The following TAFA1 variants were observed in gnomAD, a reference collection of about 807,000 sequenced individuals.
TAFA1 encodes the protein TAFA chemokine like family member 1, also known as chemokine-like protein TAFA-1.
In TAFA1, 4 loss-of-function variants were observed where a neutral mutation model predicts 18.5. That is an observed-to-expected ratio of 0.22 (90% confidence interval 0.11 to 0.49). The LOEUF is 0.49. Ranked by LOEUF, TAFA1 falls within the 20% of genes least tolerant of loss-of-function variation. TAFA1 has a pLI of 0.98. For missense variants in TAFA1, 147 were observed against 169.0 expected (o/e 0.87, Z 0.72); for synonymous variants, 56 against 55.2 (o/e 1.01, Z -0.06).
At chr3:68,222,412 T>C (rs927194969) in intron 2 of TAFA1, among the ~76,000 whole-genome samples, 5 of 152,216 alleles carry the variant, frequency 3.3e-5, no homozygotes, top group Admixed American at 6.5e-5. Flanking sequence ...ATTTTCTGAG[T>C]TGTATGAAGA....
At chr3:68,510,330 C>T (rs1371834935) in intron 3 of TAFA1, among the ~76,000 whole-genome samples, 1 of 152,130 alleles carries the variant, frequency 6.6e-6, no homozygotes, top group African/African-American at 2.4e-5. Flanking sequence ...AGGGAATGGA[C>T]AGGGCTTTGG....
At chr3:68,415,929 T>C (rs1443001169) in intron 2 of TAFA1, among the ~76,000 whole-genome samples, 1 of 152,198 alleles carries the variant, frequency 6.6e-6, no homozygotes, top group Non-Finnish European at 1.5e-5. Context: ...TGCGTTTCTT[T>C]CATGTTAGGC....
chr3:68,211,709 C>T (rs1035093341), intron 2 of TAFA1, among the ~76,000 whole-genome samples: 1 of 152,052 alleles, frequency 6.6e-6, no homozygotes, highest in Non-Finnish European at 1.5e-5. Flanking sequence ...AGGCTGCTTC[C>T]ACTCATGGCA....
At chr3:68,211,994 C>T (rs1348023112) in intron 2 of TAFA1, among the ~76,000 whole-genome samples, 1 of 151,960 alleles carries the variant, frequency 6.6e-6, no homozygotes, top group Non-Finnish European at 1.5e-5. Flanking sequence ...ATAGCAAACT[C>T]TAATCAAGTA....
At chr3:68,473,134 A>T (rs2072032154) in intron 3 of TAFA1, among the ~76,000 whole-genome samples, 1 of 152,222 alleles carries the variant, frequency 6.6e-6, no homozygotes, top group African/African-American at 2.4e-5. Flanking sequence ...CCATTACCTC[A>T]GCTACTTAGG....
chr3:68,076,313 G>C (rs2064823341), intron 2 of TAFA1, among the ~76,000 whole-genome samples: 1 of 149,900 alleles, frequency 6.7e-6, no homozygotes, highest in Non-Finnish European at 1.5e-5. Context: ...TTGTTTGTTT[G>C]TTTTAAATTA....
At position 68,531,015 on chromosome 3, in the gene TAFA1, AC is replaced by A. The variant is rs370408138; in HGVS notation, c.260-7740del. 1.1e-4 allele frequency among the ~76,000 whole-genome samples: 13 copies of A among 123,028 alleles called. 1 individual carries two copies. The highest frequency in any genetic ancestry group is 5.8e-4 in the South Asian group (2 of 3,428). The allele number at this position is 123,028 out of a possible 152,430, so 80.7% of individuals were successfully genotyped here. A position where few individuals can be genotyped will look rare whatever the true frequency, so the allele number is the denominator to read the frequency against. On this transcript the variant is annotated intron_variant, in intron 3 of 4. Coordinates refer to ENST00000478136, the MANE Select transcript of TAFA1 (RefSeq NM_213609.4). Reference sequence around the variant, plus strand: ...ATTAGCATTATAATGATTAACAACAACAACAAAACAAAACAAAACAAAACAA... The same window carrying A: ...ATTAGCATTATAATGATTAACAACAAAACAAAACAAAACAAAACAAAACAA...
chr3:68,525,402 A>AGTCT (rs2073095168), intron 3 of TAFA1, among the ~76,000 whole-genome samples: 1 of 152,184 alleles, frequency 6.6e-6, no homozygotes. Flanking sequence ...TATATAGTTC[A>AGTCT]GTCTGCCTAT....
chr3:68,412,726 A>G (rs1402562768), intron 2 of TAFA1, among the ~76,000 whole-genome samples: 1 of 152,112 alleles, frequency 6.6e-6, no homozygotes, highest in African/African-American at 2.4e-5. Flanking sequence ...TTATGGCTGC[A>G]TAGTATTCCA....
chr3:68,274,912 G>T (rs993305059), intron 2 of TAFA1, among the ~76,000 whole-genome samples: 8 of 151,852 alleles, frequency 5.3e-5, no homozygotes, highest in African/African-American at 1.9e-4. Flanking sequence ...TCGTCATTTT[G>T]TTGTTGTTGC....
chr3:68,486,078 TTTTA>T (rs536290626), intron 3 of TAFA1, among the ~76,000 whole-genome samples: 26,762 of 90,374 alleles, frequency 0.3, 2,578 homozygotes, highest in African/African-American at 0.32. Context: ...TTTATTTTTA[TTTTA>T]TTTTATTTTA....
At chr3:68,345,032 CAA>C (rs551579012) in intron 2 of TAFA1, among the ~76,000 whole-genome samples, 5 of 141,064 alleles carry the variant, frequency 3.5e-5, no homozygotes, top group Non-Finnish European at 3.1e-5. Context: ...GGCCCTATCT[CAA>C]AAAAAAAAAA....
At chr3:68,498,390 A>C (rs1216725680) in intron 3 of TAFA1, among the ~76,000 whole-genome samples, 2 of 145,454 alleles carry the variant, frequency 1.4e-5, no homozygotes, top group Non-Finnish European at 3.1e-5. Context: ...CCTAGGAGGC[A>C]GGGTTATAAA....
intron 3 of TAFA1, among the ~76,000 whole-genome samples, chr3:68,511,956 C>G (rs2072853609): frequency 6.6e-6 from 1 of 152,046 alleles, no homozygotes; most frequent in South Asian, 2.1e-4. Context: ...AAGTCCTCTT[C>G]TAAGGTCTTT....
intron 2 of TAFA1, among the ~76,000 whole-genome samples, chr3:68,130,863 C>T (rs908615445): frequency 6.6e-6 from 1 of 152,166 alleles, no homozygotes; most frequent in Non-Finnish European, 1.5e-5. Context: ...TTAGCTACCT[C>T]CCTGTCCTCC....
At chr3:68,478,504 C>G (rs761406023) in intron 3 of TAFA1, among the ~76,000 whole-genome samples, 20 of 152,186 alleles carry the variant, frequency 1.3e-4, no homozygotes, top group Non-Finnish European at 2.1e-4. Flanking sequence ...TATTCACCTT[C>G]CATAAGAAGC....
chr3:68,318,590 T>C (rs2068644336), intron 2 of TAFA1, among the ~76,000 whole-genome samples: 1 of 152,242 alleles, frequency 6.6e-6, no homozygotes, highest in Non-Finnish European at 1.5e-5. Context: ...CATCAAATCT[T>C]AAATTGTTTT....
At chr3:68,283,477 C>G (rs1350506539) in intron 2 of TAFA1, among the ~76,000 whole-genome samples, 1 of 152,306 alleles carries the variant, frequency 6.6e-6, no homozygotes, top group East Asian at 1.9e-4. Flanking sequence ...CATTCCTCAT[C>G]ATTCTTGTAA....
intron 2 of TAFA1, among the ~76,000 whole-genome samples, chr3:68,381,162 G>C (rs2069943217): frequency 7.0e-6 from 1 of 142,718 alleles, no homozygotes; most frequent in African/African-American, 2.6e-5. Flanking sequence ...ATGCTGTTTT[G>C]GTTACTGTAG....
Sources: gnomAD v4.1 joint callset for allele counts (sites outside exome capture counted in the v4.1 genomes callset) on GRCh38, gnomAD v4.1.1 for gene constraint, MANE v1.5 for transcripts, NCBI Gene and HGNC (gene_info 2026-07-23, HGNC 2026-07-21) for gene names.